The following CSMD2 variants were observed in gnomAD, a reference collection of about 807,000 sequenced individuals.
CSMD2 encodes the protein CUB and Sushi multiple domains 2, also known as CUB and sushi domain-containing protein 2.
Under a neutral mutation model 398.5 loss-of-function variants are expected in CSMD2, and 130 were observed. The ratio of observed to expected loss-of-function variants is 0.33; its 90% CI spans 0.28 to 0.38. The LOEUF (loss-of-function observed/expected upper bound fraction) is 0.38, where lower values mean the gene tolerates loss of function less well. Among genes scored for constraint, CSMD2 ranks in the 10% least tolerant of loss-of-function variants. The pLI, the probability that CSMD2 is intolerant of heterozygous loss-of-function variation, is 1.00. For synonymous variants in CSMD2, 1,828 were observed against 1,908.5 expected (o/e 0.96, Z 1.10); for missense variants, 3,829 against 4,764.9 (o/e 0.80, Z 5.78).
intron 3 of CSMD2, among the ~76,000 whole-genome samples, chr1:33,975,281 TAATCAC>T (rs1265541018): frequency 6.6e-6 from 1 of 152,186 alleles, no homozygotes; most frequent in Non-Finnish European, 1.5e-5. Context: ...CCACTTACTG[TAATCAC>T]AAGGGCTCCT....
chr1:33,690,003 T>G (rs370745794), intron 25 of CSMD2, among the ~76,000 whole-genome samples: 13 of 152,198 alleles, frequency 8.5e-5, no homozygotes, highest in African/African-American at 3.1e-4. Flanking sequence ...CCACTGCCAC[T>G]GCCTGACTTC....
Position 33,725,387 on chromosome 1 carries a change from T to C in CSMD2, c.2657A>G (p.Lys886Arg), listed in dbSNP as rs1646496263. ...CTGGAAGCCGATGTCCGAGTGACTCTTGTCGGTAGAGAAGAGGAGGTAGAG... is the reference window on the plus strand; with the variant it reads ...CTGGAAGCCGATGTCCGAGTGACTCCTGTCGGTAGAGAAGAGGAGGTAGAG... ...NYLYLLFSTDKSHSDIGFQLR... is the reference protein window; with the variant it reads ...NYLYLLFSTDRSHSDIGFQLR... The change falls in exon 17 of 71, where the codon AAG becomes AGG. Residue 886 changes from lysine to arginine, a missense_variant. Around this residue, in one of 5 missense-constraint regions of CSMD2, gnomAD observed 2,001 missense variants for 2,567.1 expected, o/e 0.78. Transcript: ENST00000373381. The C allele has an allele frequency of 6.2e-7, 1 of 1,613,962 alleles. No homozygotes were observed. The highest frequency in any genetic ancestry group is 1.3e-5 in the African/African-American group (1 of 74,918).
At chr1:33,888,618 A>T (rs1641757580) in intron 5 of CSMD2, among the ~76,000 whole-genome samples, 1 of 152,220 alleles carries the variant, frequency 6.6e-6, no homozygotes, top group African/African-American at 2.4e-5. Context: ...TAAATAGCTA[A>T]ATGTAAAATA....
chr1:33,775,960 T>C (rs1651911002), intron 12 of CSMD2, among the ~76,000 whole-genome samples: 1 of 152,042 alleles, frequency 6.6e-6, no homozygotes, highest in Non-Finnish European at 1.5e-5. Flanking sequence ...GAAGTTTACA[T>C]AGGATTGAAA....
intron 21 of CSMD2, among the ~76,000 whole-genome samples, chr1:33,712,631 G>A (rs541999771): frequency 2.6e-4 from 39 of 152,378 alleles, no homozygotes; most frequent in African/African-American, 9.4e-4. Context: ...TAAAGAATGA[G>A]TTTATGTAAT....
chr1:34,095,679 G>C (rs1476646274), intron 1 of CSMD2, among the ~76,000 whole-genome samples: 10 of 151,256 alleles, frequency 6.6e-5, no homozygotes, highest in East Asian at 3.9e-4. Flanking sequence ...ATAAATTCCT[G>C]GACACATACA....
At chr1:33,866,898 T>C (rs1047869052) in intron 5 of CSMD2, among the ~76,000 whole-genome samples, 2 of 152,262 alleles carry the variant, frequency 1.3e-5, no homozygotes, top group East Asian at 1.9e-4. Flanking sequence ...CAGGTTGTTT[T>C]AGCAATTAAC....
rs151136138 is a variant in CSMD2 at position 34,051,803 on chromosome 1, A to G, written c.405-19097T>C. Among the ~76,000 whole-genome samples, 487 of 152,274 alleles carry G rather than the reference A, an allele frequency of 3.2e-3. 1 individual carries two copies. Among genetic ancestry groups the G allele is most frequent in the African/African-American group, 0.011 (443 of 41,538 alleles). ...AGAGTTGACAAGGGGTGGATTTGTG[A>G]TGGTTAATATCAGGTGCCAACTTTA... On this transcript the variant is annotated intron_variant, in intron 2 of 70. Transcript: ENST00000373381.
At chr1:33,591,928 AC>A in intron 44 of CSMD2, 1 of 169,782 alleles carries the variant, frequency 5.9e-6, no homozygotes, top group Non-Finnish European at 1.3e-5. Flanking sequence ...CTAATCTCTT[AC>A]TATTTTTACA....
rs771073098 is a variant in CSMD2, at chr1:33,533,919, T to C, written c.9880-12A>G. The C allele has an allele frequency of 4.4e-6, 7 of 1,573,854 alleles. No homozygotes were observed. The highest frequency in any genetic ancestry group is 2.2e-5 in the East Asian group (1 of 44,676). ...ACTGTGCTTCCAACCTGCGGCAAGA[T>C]ACAAAGTCCCATCAGCCCCTTCCTT... On this transcript the variant is annotated splice_polypyrimidine_tract_variant and intron_variant, in intron 62 of 70. Coordinates refer to ENST00000373381, the MANE Select transcript of CSMD2 (RefSeq NM_001281956.2). This position sits in a 1 kb window ranked among gnomAD's most constrained non-coding sequence, Gnocchi z 4.2.
chr1:34,125,349 G>A (rs142226213), intron 1 of CSMD2, among the ~76,000 whole-genome samples: 44 of 152,308 alleles, frequency 2.9e-4, no homozygotes, highest in African/African-American at 1.0e-3. Flanking sequence ...GCAACAACCA[G>A]GCTGGGAAGG....
At chr1:33,526,759 G>C (rs923939713) in intron 65 of CSMD2, among the ~76,000 whole-genome samples, 1 of 152,220 alleles carries the variant, frequency 6.6e-6, no homozygotes, top group Admixed American at 6.5e-5. Context: ...TAGTCTCTAA[G>C]AATTTGGTAT....
chr1:33,970,432 T>C (rs940054126), intron 3 of CSMD2, among the ~76,000 whole-genome samples: 2 of 152,156 alleles, frequency 1.3e-5, no homozygotes, highest in African/African-American at 4.8e-5. Flanking sequence ...TCCCGTAAAG[T>C]GAGGCCAGCT....
intron 44 of CSMD2, among the ~76,000 whole-genome samples, chr1:33,591,152 C>T (rs1639424323): frequency 6.6e-6 from 1 of 151,934 alleles, no homozygotes; most frequent in East Asian, 1.9e-4. Flanking sequence ...CCACGTCTGG[C>T]TAATTTTGTA....
rs10157461 is a variant in CSMD2 at position 34,112,403 on chromosome 1, C to T, written c.188-23210G>A. ...CCTATATAACTACCTGCTGTCCAAC[C>T]GCCTCCACACTGCAGCAGACAGCTC... On this transcript the variant is annotated intron_variant, in intron 1 of 70. Transcript: ENST00000373381. Among the ~76,000 whole-genome samples, 1,469 of 152,310 alleles carry T rather than the reference C, an allele frequency of 9.6e-3. 27 individuals are homozygous for T. The highest frequency in any genetic ancestry group is 0.033 in the African/African-American group (1,388 of 41,562).
chr1:34,027,390 T>G (rs1462530143), intron 3 of CSMD2, among the ~76,000 whole-genome samples: 1 of 152,242 alleles, frequency 6.6e-6, no homozygotes, highest in Non-Finnish European at 1.5e-5. Flanking sequence ...GTGGGAGGAA[T>G]GGGCTCAGGC....
intron 11 of CSMD2, among the ~76,000 whole-genome samples, chr1:33,789,704 G>A (rs1653996539): frequency 6.6e-6 from 1 of 152,214 alleles, no homozygotes; most frequent in South Asian, 2.1e-4. Flanking sequence ...CACACCATGG[G>A]GGATATGGAA....
intron 5 of CSMD2, among the ~76,000 whole-genome samples, chr1:33,866,676 C>A (rs1640060309): frequency 6.6e-6 from 1 of 152,202 alleles, no homozygotes; most frequent in African/African-American, 2.4e-5. Flanking sequence ...GGAGAGCTAT[C>A]CCCCTCCTGC....
intron 27 of CSMD2, among the ~76,000 whole-genome samples, chr1:33,653,907 C>T (rs1395271830): frequency 2.0e-5 from 3 of 152,102 alleles, no homozygotes. Context: ...AAAGGGTATA[C>T]CTGACTCCAA....
Sources: allele counts gnomAD v4.1 joint callset (sites outside exome capture counted in the v4.1 genomes callset), GRCh38; gene constraint gnomAD v4.1.1; regional missense constraint gnomAD v4.1.1; non-coding constraint Gnocchi (gnomAD v3.1); transcripts MANE v1.5; gene names NCBI Gene and HGNC (gene_info 2026-07-23, HGNC 2026-07-21).